TMTC1: variants seen among roughly 807,000 people sequenced by gnomAD.
TMTC1 encodes the protein protein O-mannosyl-transferase TMTC1.
A neutral mutation model predicts 104.8 loss-of-function variants in TMTC1; 73 were observed. That is an observed-to-expected ratio of 0.70 (90% confidence interval 0.58 to 0.85). The LOEUF is 0.85. Ranked by LOEUF, TMTC1 falls within the 40% of genes least tolerant of loss-of-function variation. The pLI is 0.00. For synonymous variants in TMTC1, 434 were observed against 428.7 expected (o/e 1.01, Z -0.15); for missense variants, 1,035 against 1,096.1 (o/e 0.94, Z 0.79).
chr12:29,625,561 A>G (rs1036216562), intron 6 of TMTC1, among the ~76,000 whole-genome samples: 3 of 152,236 alleles, frequency 2.0e-5, no homozygotes, highest in Non-Finnish European at 2.9e-5. Context: ...GAAGAGCTCA[A>G]TCTTAACTAT....
chr12:29,602,984 C>T (rs953127825), intron 7 of TMTC1, among the ~76,000 whole-genome samples: 3 of 152,162 alleles, frequency 2.0e-5, no homozygotes, highest in African/African-American at 2.4e-5. Context: ...CAGATTGATG[C>T]CACTTTTTGG....
Position 29,755,738 on chromosome 12 carries a change from G to C in TMTC1, c.702C>G (p.Leu234=). 1 of 1,613,938 alleles carries C rather than the reference G, an allele frequency of 6.2e-7. No homozygotes were observed. The highest frequency in any genetic ancestry group is 8.5e-7 in the Non-Finnish European group (1 of 1,179,936). ...TGTCTTGCTTGTTGGAAAGGGAAAA[G>C]AGGTCATAAACCAAGCACACTCCAA... ...TVFGVCLVYD[L]FSLSNKQDKS... The change falls in exon 4 of 18, where the codon CTC becomes CTG. Residue 234 remains leucine (L), a synonymous_variant. Coordinates refer to ENST00000539277, the MANE Select transcript of TMTC1 (RefSeq NM_001193451.2).
chr12:29,630,424 T>TG (rs767479208), intron 6 of TMTC1, among the ~76,000 whole-genome samples: 11 of 152,130 alleles, frequency 7.2e-5, no homozygotes, highest in Non-Finnish European at 4.4e-5. Context: ...GAACAGCATG[T>TG]GGGTAACTGC....
chr12:29,683,852 T>C (rs200048879), intron 5 of TMTC1, among the ~76,000 whole-genome samples: 1 of 113,476 alleles, frequency 8.8e-6, no homozygotes, highest in South Asian at 2.7e-4. Context: ...ATCATTTTTT[T>C]TTTTTTTTGA....
At chr12:29,522,599 G>A (rs932326267) in intron 11 of TMTC1, among the ~76,000 whole-genome samples, 1 of 151,334 alleles carries the variant, frequency 6.6e-6, no homozygotes, top group South Asian at 2.1e-4. Flanking sequence ...ATGAAGACAG[G>A]CAGAACAGAA....
At chr12:29,616,498 T>C (rs191105215) in intron 6 of TMTC1, among the ~76,000 whole-genome samples, 317 of 151,982 alleles carry the variant, frequency 2.1e-3, no homozygotes, top group African/African-American at 7.0e-3. Flanking sequence ...TGAAACTCCG[T>C]CTCTACTAAA....
At chr12:29,648,583 G>A (rs775443461) in intron 5 of TMTC1, among the ~76,000 whole-genome samples, 9 of 151,976 alleles carry the variant, frequency 5.9e-5, no homozygotes, top group East Asian at 5.8e-4. Context: ...CTGCATCTAC[G>A]GCACACACCA....
At chr12:29,604,496 T>G (rs1349891909) in intron 6 of TMTC1, among the ~76,000 whole-genome samples, 197 bp from the exon 7 acceptor site, 1 of 152,164 alleles carries the variant, frequency 6.6e-6, no homozygotes, top group African/African-American at 2.4e-5. Flanking sequence ...AACATACACA[T>G]GTACCCTGAC....
At chr12:29,701,518 C>T (rs1267173286) in intron 5 of TMTC1, among the ~76,000 whole-genome samples, 1 of 152,198 alleles carries the variant, frequency 6.6e-6, no homozygotes, top group African/African-American at 2.4e-5. Flanking sequence ...TTCCCCCTTC[C>T]TTCCTACTCT....
At chr12:29,686,487 T>C (rs1941098000) in intron 5 of TMTC1, among the ~76,000 whole-genome samples, 1 of 152,166 alleles carries the variant, frequency 6.6e-6, no homozygotes, top group South Asian at 2.1e-4. Context: ...GTATACATAC[T>C]CCCTCTGTGG....
intron 5 of TMTC1, among the ~76,000 whole-genome samples, chr12:29,697,882 A>C (rs1454615868): frequency 6.6e-6 from 1 of 152,196 alleles, no homozygotes; most frequent in Admixed American, 6.5e-5. Flanking sequence ...ACTCCCAACC[A>C]AAAAAAGAAG....
chr12:29,611,040 A>T (rs1053313080), intron 6 of TMTC1, among the ~76,000 whole-genome samples: 11 of 152,350 alleles, frequency 7.2e-5, no homozygotes, highest in African/African-American at 2.4e-4. Context: ...CAATTTAAAC[A>T]TTGCTTTTTC....
chr12:29,677,655 A>C (rs1204173576), intron 5 of TMTC1, among the ~76,000 whole-genome samples: 1 of 152,252 alleles, frequency 6.6e-6, no homozygotes, highest in Non-Finnish European at 1.5e-5. Flanking sequence ...GAGTAGCATA[A>C]TGAAATCTCA....
At chr12:29,662,666 C>CAAA (rs35610791) in intron 5 of TMTC1, among the ~76,000 whole-genome samples, 6 of 86,570 alleles carry the variant, frequency 6.9e-5, no homozygotes, top group Admixed American at 1.3e-4. Context: ...GACTCCGTCT[C>CAAA]AAAAAAAAAA....
At chr12:29,767,811 TG>T (rs1943503170) in intron 2 of TMTC1, 86 bp downstream of exon 2, 1 of 1,183,104 alleles carries the variant, frequency 8.5e-7, no homozygotes, top group African/African-American at 1.6e-5. Context: ...CATATTTACA[TG>T]TATATATATG....
Position 29,783,545 on chromosome 12 carries a change from G to T in TMTC1, c.207C>A (p.Leu69=), listed in dbSNP as rs772810033. 18 of 1,474,894 alleles carry T rather than the reference G, an allele frequency of 1.2e-5. No homozygotes were observed. Among genetic ancestry groups the T allele is most frequent in the Non-Finnish European group, 1.6e-5 (18 of 1,114,970 alleles). The allele number at this position is 1,474,894 out of a possible 1,614,324, so 91.4% of individuals were successfully genotyped here. ...NNPDVRPGAP[L]RWGIFTNDFW... is the part of the protein sequence containing the mutation. Reference sequence around the variant, plus strand: ...AGTCGTTGGTGAAGATGCCCCAGCGGAGCGGGGCGCCGGGCCGCACGTCGG... The same window carrying T: ...AGTCGTTGGTGAAGATGCCCCAGCGTAGCGGGGCGCCGGGCCGCACGTCGG... The change falls in exon 1 of 18, where the codon CTC becomes CTA. Residue 69 remains leucine (L), a synonymous_variant. Transcript: ENST00000539277. The surrounding 1 kb of genome is among the most constrained non-coding windows in gnomAD (Gnocchi z 4.7).
Position 29,668,454 on chromosome 12 carries a change from C to CTTTTTTTTTTTTTTTTTTTTTTTTT in TMTC1, c.939-35119_939-35118insAAAAAAAAAAAAAAAAAAAAAAAAA, listed in dbSNP as rs66652706. Among the ~76,000 whole-genome samples the CTTTTTTTTTTTTTTTTTTTTTTTTT allele has an allele frequency of 4.4e-5, 4 of 90,096 alleles. 1 individual carries two copies. Among genetic ancestry groups the CTTTTTTTTTTTTTTTTTTTTTTTTT allele is most frequent in the East Asian group, 7.6e-4 (2 of 2,626 alleles). The allele number at this position is 90,096 out of a possible 152,430, so 59.1% of individuals were successfully genotyped here. A position where few individuals can be genotyped will look rare whatever the true frequency, so the allele number is the denominator to read the frequency against. On this transcript the variant is annotated intron_variant, in intron 5 of 17. Transcript: ENST00000539277. ...CCACATTCAAACCATACCAACTTAT[C>CTTTTTTTTTTTTTTTTTTTTTTTTT]TTTTTTTTTTTTTTTTTTTTTTTTG... is the stretch of plus-strand genomic sequence containing the variant.
intron 9 of TMTC1, among the ~76,000 whole-genome samples, chr12:29,560,301 T>C (rs1209739832): frequency 3.3e-5 from 5 of 152,226 alleles, no homozygotes; most frequent in Non-Finnish European, 7.3e-5. Flanking sequence ...CACTGGATTT[T>C]CTTTCTCACA....
At chr12:29,772,658 G>A (rs1234252099) in intron 1 of TMTC1, among the ~76,000 whole-genome samples, 1 of 152,108 alleles carries the variant, frequency 6.6e-6, no homozygotes, top group Non-Finnish European at 1.5e-5. Context: ...ACTGAAGCTA[G>A]TACACATTTA....
Sources: allele counts gnomAD v4.1 joint callset (sites outside exome capture counted in the v4.1 genomes callset), GRCh38; gene constraint gnomAD v4.1.1; non-coding constraint Gnocchi (gnomAD v3.1); transcripts MANE v1.5; gene names NCBI Gene and HGNC (gene_info 2026-07-23, HGNC 2026-07-21).